WWOX: variants seen among roughly 807,000 people sequenced by gnomAD.
The protein encoded by WWOX is WW domain-containing oxidoreductase.
Under a neutral mutation model 46.2 loss-of-function variants are expected in WWOX, and 69 were observed. The observed-to-expected ratio is 1.49, with a 90% CI of 1.23 to 1.82. The LOEUF is 1.82. WWOX is among the 40% of genes most tolerant of loss of function. WWOX has a pLI of 0.00. For synonymous variants in WWOX, 359 were observed against 202.6 expected (o/e 1.77, Z -6.56); for missense variants, 919 against 542.6 (o/e 1.69, Z -6.89).
intron 8 of WWOX, among the ~76,000 whole-genome samples, chr16:78,859,989 C>G (rs1417847051): frequency 6.6e-6 from 1 of 152,062 alleles, no homozygotes; most frequent in African/African-American, 2.4e-5. Context: ...TAGCAAATAG[C>G]TATAATGCCT....
intron 6 of WWOX, among the ~76,000 whole-genome samples, chr16:78,420,136 G>A (rs1357514577): frequency 6.6e-6 from 1 of 152,110 alleles, no homozygotes; most frequent in African/African-American, 2.4e-5. Context: ...CAAACACATG[G>A]AGAGATGAAA....
intron 1 of WWOX, among the ~76,000 whole-genome samples, chr16:78,101,532 G>C (rs577943051): frequency 6.6e-6 from 1 of 151,872 alleles, no homozygotes; most frequent in Non-Finnish European, 1.5e-5. Context: ...TGTTGGCCCG[G>C]CTGGTCTCCA....
chr16:78,685,624 A>G (rs905867102), intron 8 of WWOX, among the ~76,000 whole-genome samples: 2 of 152,198 alleles, frequency 1.3e-5, no homozygotes, highest in Non-Finnish European at 2.9e-5. Context: ...ACATGGCCAT[A>G]TATGTTTTGC....
chr16:78,538,575 T>C (rs1468761952), intron 8 of WWOX, among the ~76,000 whole-genome samples: 5 of 152,220 alleles, frequency 3.3e-5, no homozygotes. Context: ...GAACTGCTCA[T>C]TCTGTTCTCT....
Position 78,385,880 on chromosome 16 carries a change from A to C in WWOX, c.517-980A>C, listed in dbSNP as rs2082049568. Among the ~76,000 whole-genome samples the C allele has an allele frequency of 2.0e-5, 3 of 152,240 alleles. No individual in the cohort carries two copies. In the South Asian group the frequency reaches 6.2e-4, roughly 32 times the overall value. On this transcript the variant is annotated intron_variant, in intron 5 of 8. Coordinates refer to ENST00000566780, the MANE Select transcript of WWOX (RefSeq NM_016373.4). The stretch of plus-strand genomic sequence containing the variant: ...CAAGGAGCTAGGTCTAAGAAGTGAT[A>C]GTATTTAATCTCGCACTCCGAAGCG...
intron 6 of WWOX, among the ~76,000 whole-genome samples, chr16:78,391,759 A>G (rs2082177754): frequency 6.6e-6 from 1 of 152,100 alleles, no homozygotes; most frequent in Non-Finnish European, 1.5e-5. Context: ...GAGGCATGAG[A>G]ATTGCTTGAG....
chr16:78,356,648 C>T (rs1646407555), intron 5 of WWOX, among the ~76,000 whole-genome samples: 1 of 152,092 alleles, frequency 6.6e-6, no homozygotes, highest in African/African-American at 2.4e-5. Flanking sequence ...TTTGGGAGGC[C>T]AAGGCGAGTG....
In WWOX at chr16:78,691,214, G is replaced by C. The variant is rs545853092; in HGVS notation, c.1056+258462G>C. On this transcript the variant is annotated intron_variant, in intron 8 of 8. Coordinates refer to ENST00000566780, the MANE Select transcript of WWOX (RefSeq NM_016373.4). ...TGTAGGTCCAGCGCCTAGAATTTTA[G>C]CTATGCTTCTCTTGTTTGTGATTCC... 233 of 701,370 alleles carry C rather than the reference G, an allele frequency of 3.3e-4. No homozygotes were observed. The African/African-American group carries it at 3.6e-3, about 11-fold the overall frequency. 43.4% of individuals were successfully genotyped at this position (701,370 alleles called of 1,614,324 possible).
At chr16:78,201,758 G>A (rs1294456760) in intron 5 of WWOX, among the ~76,000 whole-genome samples, 3 of 151,980 alleles carry the variant, frequency 2.0e-5, no homozygotes, top group Non-Finnish European at 1.5e-5. Flanking sequence ...GGAGTGCAGT[G>A]GTGTGACCTT....
At chr16:78,520,246 T>A (rs1183796160) in intron 8 of WWOX, among the ~76,000 whole-genome samples, 2 of 152,184 alleles carry the variant, frequency 1.3e-5, no homozygotes, top group Non-Finnish European at 2.9e-5. Context: ...TTCTGATGGA[T>A]TACGGTGAAG....
chr16:78,210,458 C>T (rs908977598), intron 5 of WWOX, among the ~76,000 whole-genome samples: 1 of 152,098 alleles, frequency 6.6e-6, no homozygotes, highest in Non-Finnish European at 1.5e-5. Context: ...TGCTAATTTA[C>T]CCACAGTTGA....
At chr16:79,158,470 C>T (rs954507875) in intron 8 of WWOX, among the ~76,000 whole-genome samples, 3 of 150,698 alleles carry the variant, frequency 2.0e-5, no homozygotes, top group Non-Finnish European at 4.4e-5. Context: ...GCTTTAAACC[C>T]CTTCATGGCT....
chr16:78,964,668 C>T (rs1449989114), intron 8 of WWOX, among the ~76,000 whole-genome samples: 2 of 152,204 alleles, frequency 1.3e-5, no homozygotes, highest in South Asian at 2.1e-4. Context: ...GTGTAAGTGG[C>T]AAGGAACCTA....
chr16:78,403,456 C>A (rs528800955), intron 6 of WWOX, among the ~76,000 whole-genome samples: 2 of 152,262 alleles, frequency 1.3e-5, no homozygotes, highest in East Asian at 1.9e-4. Context: ...GCTTGTATTG[C>A]TGCTTTAGTA....
intron 8 of WWOX, among the ~76,000 whole-genome samples, chr16:78,774,404 A>G (rs1393802729): frequency 1.3e-5 from 2 of 152,312 alleles, no homozygotes; most frequent in South Asian, 2.1e-4. Context: ...TGTCTCAAAA[A>G]AAAAGAAAGA....
chr16:78,837,466 G>A (rs1597698837), intron 8 of WWOX, among the ~76,000 whole-genome samples: 1 of 152,192 alleles, frequency 6.6e-6, no homozygotes, highest in African/African-American at 2.4e-5. Context: ...GACAAATATG[G>A]ATGTCACTTA....
chr16:78,288,039 T>C (rs1245548598), intron 5 of WWOX, among the ~76,000 whole-genome samples: 2 of 152,216 alleles, frequency 1.3e-5, no homozygotes, highest in Non-Finnish European at 2.9e-5. Context: ...ATTTTTTTCT[T>C]TAATTTAGCC....
In WWOX at chr16:78,656,219, G is replaced by A. The variant is rs150608209; in HGVS notation, c.1056+223467G>A. On this transcript the variant is annotated intron_variant, in intron 8 of 8. Coordinates refer to ENST00000566780, the MANE Select transcript of WWOX (RefSeq NM_016373.4). ...GTGTGAAAGGTAGGATCACCTCTCT[G>A]TGCCTCAGTCTCCCCATCATCCTTC... Among the ~76,000 whole-genome samples, 36 of 152,160 alleles carry A rather than the reference G, an allele frequency of 2.4e-4. 1 individual carries two copies. Among genetic ancestry groups the A allele is most frequent in the East Asian group, 1.7e-3 (9 of 5,168 alleles).
chr16:78,673,947 G>A (rs1445877863), intron 8 of WWOX, among the ~76,000 whole-genome samples: 1 of 152,066 alleles, frequency 6.6e-6, no homozygotes, highest in Non-Finnish European at 1.5e-5. Context: ...GTATTACTGA[G>A]CACATAAAAT....
Sources: gnomAD v4.1 joint callset for allele counts (sites outside exome capture counted in the v4.1 genomes callset) on GRCh38, gnomAD v4.1.1 for gene constraint, MANE v1.5 for transcripts, NCBI Gene and HGNC (gene_info 2026-07-23, HGNC 2026-07-21) for gene names.